The following SPMIP11 variants were observed in gnomAD, a reference collection of about 807,000 sequenced individuals.
SPMIP11 encodes sperm microtubule inner protein 11.
the SPMIP11 span, chr12:48,768,712 G>A: frequency 1.2e-6 from 2 of 1,613,844 alleles, no homozygotes; most frequent in African/African-American, 2.7e-5. Context: ...CAGGTCCGTG[G>A]TCACCTGGGG....
the SPMIP11 span, among the ~76,000 whole-genome samples, chr12:48,758,700 G>A: frequency 6.6e-6 from 1 of 152,102 alleles, no homozygotes; most frequent in South Asian, 2.1e-4. Context: ...CCCAGCACTC[G>A]AGGCTCCAAA....
At chr12:48,729,332 G>A in the SPMIP11 span, among the ~76,000 whole-genome samples, 3 of 151,742 alleles carry the variant, frequency 2.0e-5, no homozygotes, top group Non-Finnish European at 2.9e-5. Context: ...TCAGGAGTTC[G>A]AGACCAGCCT....
chr12:48,728,354 G>C, the SPMIP11 span, among the ~76,000 whole-genome samples: 1 of 152,206 alleles, frequency 6.6e-6, no homozygotes. Context: ...GAATCCTTCA[G>C]AGAAGACTTC....
At chr12:48,731,978 G>A in the SPMIP11 span, among the ~76,000 whole-genome samples, 5 of 151,870 alleles carry the variant, frequency 3.3e-5, no homozygotes, top group East Asian at 1.9e-4. Context: ...GCAAAACCGC[G>A]TCTCTACTAA....
chr12:48,752,511 T>G, the SPMIP11 span, among the ~76,000 whole-genome samples: 1 of 152,056 alleles, frequency 6.6e-6, no homozygotes, highest in African/African-American at 2.4e-5. Context: ...TCCTGCAGAT[T>G]CAGCCCAGCT....
the SPMIP11 span, among the ~76,000 whole-genome samples, chr12:48,764,247 C>A: frequency 3.5e-4 from 53 of 152,080 alleles, no homozygotes; most frequent in Non-Finnish European, 2.9e-5. Flanking sequence ...CCTCGGCCTC[C>A]CAAAGTGCTG....
At chr12:48,756,731 A>G in the SPMIP11 span, among the ~76,000 whole-genome samples, 1 of 151,482 alleles carries the variant, frequency 6.6e-6, no homozygotes. Context: ...TACAGAATCG[A>G]GGCACTGAAA....
At chr12:48,771,068 C>T in the SPMIP11 span, 3 of 1,222,256 alleles carry the variant, frequency 2.5e-6, no homozygotes, top group East Asian at 2.5e-5. This position sits in a 1 kb window ranked among gnomAD's most constrained non-coding sequence, Gnocchi z 4.3. Context: ...GCCTTCCCCA[C>T]TTCCCTGTCT....
the SPMIP11 span, among the ~76,000 whole-genome samples, chr12:48,733,353 G>GTT: frequency 6.6e-6 from 1 of 151,952 alleles, no homozygotes; most frequent in Non-Finnish European, 1.5e-5. Context: ...GGGGTTACAG[G>GTT]TGTGAGCCAC....
the SPMIP11 span, among the ~76,000 whole-genome samples, chr12:48,735,373 C>T: frequency 6.6e-5 from 10 of 152,090 alleles, no homozygotes; most frequent in Admixed American, 1.3e-4. Context: ...TTCGGGAGGC[C>T]GAGGTGGGCA....
chr12:48,764,763 T>C, the SPMIP11 span: 2 of 645,974 alleles, frequency 3.1e-6, no homozygotes, highest in African/African-American at 3.6e-5. Flanking sequence ...GTTGCTGGGC[T>C]GGGCTGGGCT....
chr12:48,747,058 T>C, the SPMIP11 span, among the ~76,000 whole-genome samples: 1,719 of 152,328 alleles, frequency 0.011, 28 homozygotes, highest in African/African-American at 0.04. Context: ...TCATAAGCAT[T>C]ATCTGCCTGG....
chr12:48,763,617 G>C, the SPMIP11 span, among the ~76,000 whole-genome samples: 1 of 151,062 alleles, frequency 6.6e-6, no homozygotes, highest in East Asian at 1.9e-4. Context: ...ATAATTCTAA[G>C]TTTTAAAAAT....
the SPMIP11 span, chr12:48,765,934 A>G: frequency 2.3e-6 from 1 of 429,878 alleles, no homozygotes; most frequent in South Asian, 3.3e-5. Context: ...AGGCACTGGA[A>G]AGAACCGCCG....
At chr12:48,758,553 A>G in the SPMIP11 span, among the ~76,000 whole-genome samples, 3 of 152,340 alleles carry the variant, frequency 2.0e-5, no homozygotes, top group African/African-American at 7.2e-5. Flanking sequence ...TTGGATAAGG[A>G]AGAACTAGTC....
At chr12:48,769,145 G>A in the SPMIP11 span, 6 of 1,358,424 alleles carry the variant, frequency 4.4e-6, no homozygotes, top group African/African-American at 5.9e-5. Flanking sequence ...ACTGGTAGAA[G>A]GACCCAGAGA....
chr12:48,768,208 G>C, the SPMIP11 span: 2 of 280,124 alleles, frequency 7.1e-6, no homozygotes, highest in African/African-American at 4.4e-5. Flanking sequence ...GGAAAAGAAG[G>C]GCTCAGCCCT....
At chr12:48,737,027 G>T in the SPMIP11 span, among the ~76,000 whole-genome samples, 1 of 150,852 alleles carries the variant, frequency 6.6e-6, no homozygotes, top group African/African-American at 2.4e-5. Flanking sequence ...TTGGCTCACT[G>T]CAACCTCTGC....
chr12:48,770,616 C>G, the SPMIP11 span: 1 of 739,162 alleles, frequency 1.4e-6, no homozygotes, highest in Non-Finnish European at 2.2e-6. Flanking sequence ...GATCTCTGTT[C>G]TTAATATCAG....
Sources: gnomAD v4.1 joint callset for allele counts (sites outside exome capture counted in the v4.1 genomes callset) on GRCh38, gnomAD v4.1.1 for gene constraint, Gnocchi (gnomAD v3.1) non-coding constraint, MANE v1.5 for transcripts, NCBI Gene and HGNC (gene_info 2026-07-23, HGNC 2026-07-21) for gene names.